ASB3: variants seen among roughly 807,000 people sequenced by gnomAD.
ASB3 encodes ankyrin repeat and SOCS box protein 3.
A neutral mutation model predicts 54.5 loss-of-function variants in ASB3; 41 were observed. The ratio of observed to expected loss-of-function variants is 0.75; its 90% CI spans 0.59 to 0.98. The LOEUF is 0.98. Ranked by LOEUF, ASB3 falls within the 50% of genes least tolerant of loss-of-function variation. The pLI is 0.00. For synonymous variants in ASB3, 266 were observed against 221.2 expected, an observed-to-expected ratio of 1.20 and a Z score of -1.80; for missense variants, 733 against 620.0, an observed-to-expected ratio of 1.18 and a Z score of -1.94.
chr2:53,778,182 C>G (rs114567067), intron 1 of ASB3, among the ~76,000 whole-genome samples: 414 of 147,606 alleles, frequency 2.8e-3, no homozygotes, highest in Non-Finnish European at 5.1e-3. Context: ...AGAGTGTAAG[C>G]AATCTTTAAT....
At chr2:53,774,039 C>G in intron 1 of ASB3, 1 of 1,285,892 alleles carries the variant, frequency 7.8e-7, no homozygotes, top group Non-Finnish European at 1.1e-6. Flanking sequence ...ATCTCAAAAA[C>G]AAACAGAAAA....
chr2:53,685,617 T>C (rs375307115), intron 9 of ASB3, among the ~76,000 whole-genome samples: 1 of 152,224 alleles, frequency 6.6e-6, no homozygotes, highest in Admixed American at 6.5e-5. Context: ...AAGAAATATA[T>C]GTGGTATGGA....
chr2:53,725,983 G>C (rs1410194852), intron 5 of ASB3, among the ~76,000 whole-genome samples: 1 of 151,834 alleles, frequency 6.6e-6, no homozygotes, highest in Non-Finnish European at 1.5e-5. Flanking sequence ...GTATCACAAA[G>C]AATAAGGAAC....
chr2:53,683,170 A>C (rs1198346144), intron 9 of ASB3, among the ~76,000 whole-genome samples: 1 of 152,162 alleles, frequency 6.6e-6, no homozygotes, highest in East Asian at 1.9e-4. Flanking sequence ...GGGTTTTGTC[A>C]TGAAGAGATG....
chr2:53,683,236 T>C (rs979669173), intron 9 of ASB3, among the ~76,000 whole-genome samples: 1 of 152,228 alleles, frequency 6.6e-6, no homozygotes, highest in Non-Finnish European at 1.5e-5. Flanking sequence ...ATGGGTTTTG[T>C]CCTTCACTTT....
rs576362239 is a variant in ASB3, at chr2:53,716,446, C to A, written c.782+120G>T. 66 of 1,264,216 alleles carry A rather than the reference C, an allele frequency of 5.2e-5. No homozygotes were observed. The Admixed American group carries it at 1.3e-3, about 26-fold the overall frequency. The allele number at this position is 1,264,216 out of a possible 1,614,324, so 78.3% of individuals were successfully genotyped here. On this transcript the variant is annotated intron_variant, in intron 6 of 9. Coordinates refer to ENST00000263634, the MANE Select transcript of ASB3 (RefSeq NM_016115.5). The stretch of plus-strand genomic sequence containing the variant: ...ATTAGGGGTAGATCTGTTCACCCAG[C>A]AGATTGGTAGGGAAGAGAATATCAA...
At chr2:53,720,074 T>A (rs1287633755) in intron 5 of ASB3, among the ~76,000 whole-genome samples, 2 of 150,798 alleles carry the variant, frequency 1.3e-5, no homozygotes, top group Non-Finnish European at 2.9e-5. Flanking sequence ...CTCAAAGTCA[T>A]CCCTCTGCTC....
At chr2:53,725,060 G>T (rs1436606831) in intron 5 of ASB3, among the ~76,000 whole-genome samples, 1 of 152,138 alleles carries the variant, frequency 6.6e-6, no homozygotes, top group Non-Finnish European at 1.5e-5. Context: ...TGGTGGATCA[G>T]ATAAAGAAAA....
intron 1 of ASB3, chr2:53,767,922 G>A (rs778175757): frequency 1.2e-6 from 2 of 1,613,912 alleles, no homozygotes; most frequent in South Asian, 1.1e-5. Flanking sequence ...TGATCTGGAA[G>A]GTGGATTTCC....
chr2:53,725,989 G>T (rs1289855984), intron 5 of ASB3, among the ~76,000 whole-genome samples: 5 of 151,678 alleles, frequency 3.3e-5, no homozygotes, highest in African/African-American at 1.2e-4. Flanking sequence ...CAAAGAATAA[G>T]GAACCAATTT....
rs375370498 is a variant in ASB3 at position 53,700,500 on chromosome 2, G to C, written c.1009C>G (p.Leu337Val). 1 of 1,612,058 alleles carries C rather than the reference G, an allele frequency of 6.2e-7. No homozygotes were observed. Among genetic ancestry groups the C allele is most frequent in the Non-Finnish European group, 8.5e-7 (1 of 1,179,364 alleles). ...TTTATCTGGGCTCCATATTTCAAAA[G>C]AATGTTCACAATTCCAAAGAACTCA... Reference protein sequence around the residue: ...DCEFFGIVNILLKYGAQINEL... With the variant: ...DCEFFGIVNIVLKYGAQINEL... The change falls in exon 8 of 10, where the codon CTT becomes GTT. Residue 337 changes from leucine (L) to valine (V), a missense_variant. Leu to Val is a conservative substitution (Grantham distance 32). Transcript: ENST00000263634.
At chr2:53,713,923 A>AG (rs1232743849) in intron 7 of ASB3, among the ~76,000 whole-genome samples, 1 of 152,120 alleles carries the variant, frequency 6.6e-6, no homozygotes, top group East Asian at 1.9e-4. Flanking sequence ...AAAAAAAAAA[A>AG]ATTTTTTTTA....
chr2:53,736,611 A>G (rs1221428158), intron 3 of ASB3, among the ~76,000 whole-genome samples: 5 of 151,984 alleles, frequency 3.3e-5, no homozygotes, highest in African/African-American at 9.7e-5. Context: ...AGGCAGGAGA[A>G]TGGTGTGAAC....
intron 9 of ASB3, among the ~76,000 whole-genome samples, chr2:53,686,704 C>CTTAT (rs35080752): frequency 1.2e-3 from 179 of 151,948 alleles, no homozygotes; most frequent in African/African-American, 3.6e-3. Context: ...ATAATTTCTC[C>CTTAT]TTATTTATTT....
At chr2:53,746,436 G>A (rs577417339) in intron 3 of ASB3, among the ~76,000 whole-genome samples, 1 of 151,202 alleles carries the variant, frequency 6.6e-6, no homozygotes, top group East Asian at 1.9e-4. Context: ...ACACAACACT[G>A]ATGTATACAT....
intron 2 of ASB3, among the ~76,000 whole-genome samples, chr2:53,753,530 A>C (rs533513260): frequency 6.6e-6 from 1 of 152,166 alleles, no homozygotes; most frequent in South Asian, 2.1e-4. Flanking sequence ...GTATATATAC[A>C]TGGGTTATAA....
At chr2:53,746,440 TATAC>T (rs1366829979) in intron 3 of ASB3, among the ~76,000 whole-genome samples, 2 of 151,980 alleles carry the variant, frequency 1.3e-5, no homozygotes, top group Non-Finnish European at 2.9e-5. Flanking sequence ...AACACTGATG[TATAC>T]ATGCCCATTC....
chr2:53,682,547 G>A (rs1668431144), intron 9 of ASB3, among the ~76,000 whole-genome samples: 1 of 152,042 alleles, frequency 6.6e-6, no homozygotes, highest in South Asian at 2.1e-4. Context: ...TGCGATCTCG[G>A]CTCACTGCAA....
At chr2:53,727,927 T>C (rs955682174) in intron 5 of ASB3, among the ~76,000 whole-genome samples, 11 of 152,124 alleles carry the variant, frequency 7.2e-5, no homozygotes, top group Non-Finnish European at 1.6e-4. Context: ...GGTTTCGCCA[T>C]GTTGGCCAGG....
Sources: allele counts gnomAD v4.1 joint callset (sites outside exome capture counted in the v4.1 genomes callset), GRCh38; gene constraint gnomAD v4.1.1; transcripts MANE v1.5; gene names NCBI Gene and HGNC (gene_info 2026-07-23, HGNC 2026-07-21).